SMOX: variants seen among roughly 807,000 people sequenced by gnomAD.
SMOX encodes the protein spermine oxidase.
In SMOX, 22 loss-of-function variants were observed where a neutral mutation model predicts 51.0. The observed-to-expected ratio is 0.43, with a 90% CI of 0.31 to 0.62. The LOEUF (loss-of-function observed/expected upper bound fraction) is 0.62, where lower values mean the gene tolerates loss of function less well. Ranked by LOEUF, SMOX falls within the 20% of genes least tolerant of loss-of-function variation. The pLI, the probability that SMOX is intolerant of heterozygous loss-of-function variation, is 0.10. For synonymous variants in SMOX, 282 were observed against 307.8 expected (o/e 0.92, Z 0.88); for missense variants, 566 against 777.7 (o/e 0.73, Z 3.24).
At position 4,172,401 on chromosome 20, in the gene SMOX, G is replaced by A. The variant is rs1296051405; in HGVS notation, c.-26-2629G>A. 6.6e-6 allele frequency among the ~76,000 whole-genome samples: 1 copy of A among 152,158 alleles called. No homozygotes were observed. The highest frequency in any genetic ancestry group is 2.4e-5 in the African/African-American group (1 of 41,442). The stretch of plus-strand genomic sequence containing the variant: ...CCCTCCCCGCCCGCCCCGTGCAGGC[G>A]GCCACATCCTCACCTCTAAATTTAG... On this transcript the variant is annotated intron_variant, in intron 1 of 6. Coordinates refer to ENST00000305958, the MANE Select transcript of SMOX (RefSeq NM_175839.3). The surrounding 1 kb of genome is among the most constrained non-coding windows in gnomAD (Gnocchi z 7.7).
intron 1 of SMOX, among the ~76,000 whole-genome samples, chr20:4,169,012 A>G (rs1387452002): frequency 6.6e-6 from 1 of 151,632 alleles, no homozygotes; most frequent in Admixed American, 6.6e-5. Flanking sequence ...CTGTGGTGCT[A>G]TCATAGCTCA....
At chr20:4,174,939 G>A in intron 1 of SMOX, 91 bp from the exon 2 acceptor site, 1 of 1,320,630 alleles carries the variant, frequency 7.6e-7, no homozygotes, top group Non-Finnish European at 1.1e-6. Context: ...CACAACAGAG[G>A]GCAGAGTGTG....
chr20:4,159,743 C>G (rs1327188025), intron 1 of SMOX, among the ~76,000 whole-genome samples: 1 of 152,232 alleles, frequency 6.6e-6, no homozygotes, highest in Non-Finnish European at 1.5e-5. Flanking sequence ...TGTCCAAACT[C>G]AGCGTCTCCA....
At position 4,183,554 on chromosome 20, in the gene SMOX, A is replaced by G. The variant is rs201219336; in HGVS notation, c.1430A>G (p.Tyr477Cys). Residue 477 changes from tyrosine (Y) to cysteine (C), a missense_variant, in exon 6 of 7, where the codon TAC (tyrosine) becomes TGC (cysteine). Around this residue, in one of 3 missense-constraint regions of SMOX, gnomAD observed 347 missense variants for 481.8 expected, o/e 0.72. Coordinates refer to ENST00000305958, the MANE Select transcript of SMOX (RefSeq NM_175839.3). The surrounding 1 kb of genome is among the most constrained non-coding windows in gnomAD (Gnocchi z 4.3). ...ILRSAWGSNP[Y>C]FRGSYSYTQV... ...CGCTCGGCCTGGGGCAGCAACCCTT[A>G]CTTCCGCGGCTCCTATTCATACACG... 12 of 1,613,984 alleles carry G rather than the reference A, an allele frequency of 7.4e-6. No individual in the cohort carries two copies. In the South Asian group the frequency reaches 1.1e-4, roughly 15 times the overall value.
intron 1 of SMOX, among the ~76,000 whole-genome samples, chr20:4,151,288 C>T (rs192039910): frequency 6.7e-6 from 1 of 149,676 alleles, no homozygotes; most frequent in African/African-American, 2.5e-5. Context: ...AGCCAAGCCG[C>T]GTAACCCTCT....
chr20:4,182,571 C>T lies in SMOX; in HGVS notation c.1092C>T (p.Thr364=). The T allele has an allele frequency of 6.2e-7, 1 of 1,614,116 alleles. No individual in the cohort carries two copies. The highest frequency in any genetic ancestry group is 8.5e-7 in the Non-Finnish European group (1 of 1,180,018). ...CCATCCACCGCCTGGGCATTGGCAC[C>T]ACCGACAAGATCTTTCTGGAATTCG... ...VAAIHRLGIG[T]TDKIFLEFEE... is the part of the protein sequence containing the mutation. The change falls in exon 5 of 7, where the codon ACC becomes ACT. Residue 364 remains threonine (T), a synonymous_variant. Coordinates refer to ENST00000305958, the MANE Select transcript of SMOX (RefSeq NM_175839.3). The surrounding 1 kb of genome is among the most constrained non-coding windows in gnomAD (Gnocchi z 8.4).
chr20:4,150,824 C>CTTTTT (rs753050845), intron 1 of SMOX, among the ~76,000 whole-genome samples: 20 of 107,674 alleles, frequency 1.9e-4, no homozygotes, highest in East Asian at 3.1e-4. Flanking sequence ...CATCTACTCA[C>CTTTTT]TTTTTTTTTT....
At chr20:4,186,605 T>C in intron 6 of SMOX, 1 of 655,220 alleles carries the variant, frequency 1.5e-6, no homozygotes, top group South Asian at 1.8e-5. Flanking sequence ...AGTTCAAAGG[T>C]CCTGTCCTCT....
chr20:4,178,156 C>G (rs6076628), intron 3 of SMOX, among the ~76,000 whole-genome samples: 44,340 of 152,182 alleles, frequency 0.29, 8,231 homozygotes, highest in Non-Finnish European at 0.41. Context: ...ATTCTCCTGC[C>G]TCAGCCTCCT....
rs1986576597 is a variant in SMOX, at chr20:4,166,481, G to A, written c.-26-8549G>A. Among the ~76,000 whole-genome samples, 1 of 152,146 alleles carries A rather than the reference G, an allele frequency of 6.6e-6. No homozygotes were observed. The highest frequency in any genetic ancestry group is 2.4e-5 in the African/African-American group (1 of 41,420). Reference sequence around the variant, plus strand: ...TCCTGCCTTGGCCTCCCAAAGTGCTGGAATTACAGGTGTGAGCCACTGTGC... The same window carrying A: ...TCCTGCCTTGGCCTCCCAAAGTGCTAGAATTACAGGTGTGAGCCACTGTGC... On this transcript the variant is annotated intron_variant, in intron 1 of 6. Transcript: ENST00000305958. This position sits in a 1 kb window ranked among gnomAD's most constrained non-coding sequence, Gnocchi z 4.2.
rs112117707 is a variant in SMOX, at chr20:4,168,618, G to T, written c.-26-6412G>T. The stretch of plus-strand genomic sequence containing the variant: ...GTCACCCAGGCTGGAGTGCAGTGGC[G>T]CGATCTCGACTCACTGCACCCTCTG... On this transcript the variant is annotated intron_variant, in intron 1 of 6. Transcript: ENST00000305958. Among the ~76,000 whole-genome samples the T allele has an allele frequency of 2.6e-3, 389 of 151,112 alleles. 2 individuals are homozygous for T. The highest frequency in any genetic ancestry group is 0.01 in the Middle Eastern group (3 of 292).
In SMOX at chr20:4,175,388, G is replaced by A. The variant is rs902527898; in HGVS notation, c.208+125G>A. 36 of 1,181,488 alleles carry A rather than the reference G, an allele frequency of 3.0e-5. No individual in the cohort carries two copies. The Admixed American group carries it at 3.2e-4, about 11-fold the overall frequency. 73.2% of individuals were successfully genotyped at this position (1,181,488 alleles called of 1,614,324 possible). A position where few individuals can be genotyped will look rare whatever the true frequency, so the allele number is the denominator to read the frequency against. ...AAATGTTCCATCATGCATCCTGCCT[G>A]GGCATTTTCCAGAAGCTTCCTTCGC... On this transcript the variant is annotated intron_variant, in intron 2 of 6. Transcript: ENST00000305958.
At position 4,177,299 on chromosome 20, in the gene SMOX, CCT is replaced by C; in HGVS notation, c.209-47_209-46del. On this transcript the variant is annotated intron_variant, in intron 2 of 6. Transcript: ENST00000305958. This position sits in a 1 kb window ranked among gnomAD's most constrained non-coding sequence, Gnocchi z 4.3. ...GGAAGGAGGGGGAAGCAGTGCTGGC[CCT>C]CTCTGGAGAAGTCCCTAAGCCTCTA... is the stretch of plus-strand genomic sequence containing the variant. 1.4e-6 allele frequency: 2 copies of C among 1,474,784 alleles called. No individual in the cohort carries two copies. The highest frequency in any genetic ancestry group is 1.2e-5 in the South Asian group (1 of 82,122). The allele number at this position is 1,474,784 out of a possible 1,614,324, so 91.4% of individuals were successfully genotyped here.
rs140594899 is a variant in SMOX, at chr20:4,183,535, G to T, written c.1411G>T (p.Ala471Ser). 3.8e-5 allele frequency: 61 copies of T among 1,614,044 alleles called. No homozygotes were observed. In the African/African-American group the frequency reaches 7.2e-4, roughly 19 times the overall value. Residue 471 changes from alanine (A) to serine (S), a missense_variant, in exon 6 of 7, where the codon GCC (alanine) becomes TCC (serine). By Grantham distance (99) the Ala-to-Ser change is moderately conservative (BLOSUM62 1). Coordinates refer to ENST00000305958, the MANE Select transcript of SMOX (RefSeq NM_175839.3). The surrounding 1 kb of genome is among the most constrained non-coding windows in gnomAD (Gnocchi z 4.3). ...IPKPRRILRS[A>S]WGSNPYFRGS... is the part of the protein sequence containing the mutation. Reference sequence around the variant, plus strand: ...AAAACCTCGGCGAATCTTGCGCTCGGCCTGGGGCAGCAACCCTTACTTCCG... The same window carrying T: ...AAAACCTCGGCGAATCTTGCGCTCGTCCTGGGGCAGCAACCCTTACTTCCG...
At position 4,181,400 on chromosome 20, in the gene SMOX, G is replaced by A. The variant is rs1327872328; in HGVS notation, c.436-403G>A. Among the ~76,000 whole-genome samples, 3 of 152,228 alleles carry A rather than the reference G, an allele frequency of 2.0e-5. No individual in the cohort carries two copies. The highest frequency in any genetic ancestry group is 2.9e-5 in the Non-Finnish European group (2 of 68,040). Reference sequence around the variant, plus strand: ...GACACACTTGGGCAGGGGTGGCAGGGAAAGTGCACGTATCGTTCTTGGAAC... The same window carrying A: ...GACACACTTGGGCAGGGGTGGCAGGAAAAGTGCACGTATCGTTCTTGGAAC... On this transcript the variant is annotated intron_variant, in intron 3 of 6. Transcript: ENST00000305958. The surrounding 1 kb of genome is among the most constrained non-coding windows in gnomAD (Gnocchi z 5.6).
At chr20:4,151,736 C>T (rs1333776899) in intron 1 of SMOX, among the ~76,000 whole-genome samples, 1 of 152,196 alleles carries the variant, frequency 6.6e-6, no homozygotes, top group Admixed American at 6.5e-5. Context: ...TTAATCGTAG[C>T]ACCTGACTTA....
At chr20:4,158,052 C>A (rs549685962) in intron 1 of SMOX, among the ~76,000 whole-genome samples, 3 of 150,612 alleles carry the variant, frequency 2.0e-5, no homozygotes, top group Non-Finnish European at 4.4e-5. Context: ...AGGCGCCCGC[C>A]ACCACGCCCG....
chr20:4,182,562 C>T lies in SMOX; in HGVS notation c.1083C>T (p.Gly361=), dbSNP rs538963596. 3.1e-6 allele frequency: 5 copies of T among 1,613,964 alleles called. No individual in the cohort carries two copies. Among genetic ancestry groups the T allele is most frequent in the South Asian group, 2.2e-5 (2 of 91,032 alleles). The change falls in exon 5 of 7, where the codon GGC becomes GGT. Residue 361 remains glycine, a synonymous_variant. Coordinates refer to ENST00000305958, the MANE Select transcript of SMOX (RefSeq NM_175839.3). This position sits in a 1 kb window ranked among gnomAD's most constrained non-coding sequence, Gnocchi z 8.4. The stretch of plus-strand genomic sequence containing the variant: ...AGGTGGCTGCCATCCACCGCCTGGG[C>T]ATTGGCACCACCGACAAGATCTTTC... ...TEKVAAIHRL[G]IGTTDKIFLE... is the part of the protein sequence containing the mutation.
intron 1 of SMOX, among the ~76,000 whole-genome samples, chr20:4,162,181 A>T (rs1359093814): frequency 2.6e-5 from 4 of 152,218 alleles, no homozygotes; most frequent in African/African-American, 7.2e-5. Context: ...GGGCTGGGGC[A>T]GGCCCTGAGC....
Sources: gnomAD v4.1 joint callset for allele counts (sites outside exome capture counted in the v4.1 genomes callset) on GRCh38, gnomAD v4.1.1 for gene constraint, gnomAD v4.1.1 regional missense constraint, Gnocchi (gnomAD v3.1) non-coding constraint, MANE v1.5 for transcripts, NCBI Gene and HGNC (gene_info 2026-07-23, HGNC 2026-07-21) for gene names.